Variants in NDUFAF2 observed in about 807,000 individuals in gnomAD.
The protein encoded by NDUFAF2 is NADH dehydrogenase [ubiquinone] 1 alpha subcomplex assembly factor 2.
In NDUFAF2, 13 loss-of-function variants were observed where a neutral mutation model predicts 22.8. That is an observed-to-expected ratio of 0.57 (90% CI 0.37 to 0.91). NDUFAF2 has a LOEUF of 0.91. NDUFAF2 is among the 40% of genes least tolerant of loss of function. NDUFAF2 has a pLI of 0.01. For missense variants in NDUFAF2, 162 were observed against 195.2 expected (o/e 0.83, Z 1.01); for synonymous variants, 53 against 64.2 (o/e 0.83, Z 0.84).
chr5:61,044,353 T>C (rs1470089312), intron 1 of NDUFAF2, among the ~76,000 whole-genome samples: 1 of 152,162 alleles, frequency 6.6e-6, no homozygotes, highest in East Asian at 1.9e-4. Flanking sequence ...AGCTTTTTAG[T>C]TCAATGTAAT....
chr5:61,022,366 C>G (rs1003892493), intron 1 of NDUFAF2, among the ~76,000 whole-genome samples: 3 of 152,132 alleles, frequency 2.0e-5, no homozygotes, highest in African/African-American at 7.2e-5. Flanking sequence ...TCCCAAGAAA[C>G]TGGGAGAAAT....
rs149568132 is a variant in NDUFAF2 at position 60,976,636 on chromosome 5, A to T, written c.127+31254A>T. Among the ~76,000 whole-genome samples the T allele has an allele frequency of 3.4e-4, 52 of 152,322 alleles. 1 individual carries two copies. In the East Asian group the frequency reaches 9.6e-3, roughly 28 times the overall value. On this transcript the variant is annotated intron_variant, in intron 1 of 3. Coordinates refer to ENST00000296597, the MANE Select transcript of NDUFAF2 (RefSeq NM_174889.5). The stretch of plus-strand genomic sequence containing the variant: ...TTCTTTGAGGATATAAAAGCCCTTG[A>T]GATAGTTTCACTTTAAGCTTAAAAG...
chr5:61,113,428 T>C (rs1409120534), intron 3 of NDUFAF2, among the ~76,000 whole-genome samples: 6 of 152,168 alleles, frequency 3.9e-5, no homozygotes, highest in Non-Finnish European at 7.3e-5. Context: ...GGTATTCTAT[T>C]CTAGGATGAT....
At chr5:61,062,305 A>C (rs1752174561) in intron 1 of NDUFAF2, among the ~76,000 whole-genome samples, 1 of 152,210 alleles carries the variant, frequency 6.6e-6, no homozygotes, top group Non-Finnish European at 1.5e-5. Flanking sequence ...TAGGCAATTC[A>C]GTGAAGACAG....
intron 1 of NDUFAF2, among the ~76,000 whole-genome samples, chr5:60,984,376 G>T (rs1751037537): frequency 6.6e-6 from 1 of 151,960 alleles, no homozygotes; most frequent in Admixed American, 6.6e-5. Flanking sequence ...TTTCCTAATT[G>T]AATGCCCTTT....
chr5:61,136,566 T>C (rs1740951372), intron 3 of NDUFAF2, among the ~76,000 whole-genome samples: 1 of 152,192 alleles, frequency 6.6e-6, no homozygotes. Flanking sequence ...TTCCTTCCCC[T>C]TGTGGCTTCT....
intron 2 of NDUFAF2, among the ~76,000 whole-genome samples, chr5:61,077,065 A>G (rs936764429): frequency 7.2e-5 from 11 of 152,234 alleles, no homozygotes; most frequent in African/African-American, 2.4e-4. Context: ...AATTTTGGAC[A>G]TGCTAAGTTT....
At chr5:61,034,287 A>T (rs1277869865) in intron 1 of NDUFAF2, among the ~76,000 whole-genome samples, 1 of 152,192 alleles carries the variant, frequency 6.6e-6, no homozygotes, top group Non-Finnish European at 1.5e-5. Flanking sequence ...GTGTCACTTA[A>T]TGATGGGGAT....
At chr5:61,097,395 T>TTATA (rs1451826428) in intron 2 of NDUFAF2, among the ~76,000 whole-genome samples, 1 of 124,780 alleles carries the variant, frequency 8.0e-6, no homozygotes, top group Non-Finnish European at 1.8e-5. Flanking sequence ...AAAGCTTACT[T>TTATA]TATAATAAAG....
chr5:61,005,701 G>A (rs1751357515), intron 1 of NDUFAF2, among the ~76,000 whole-genome samples: 1 of 152,088 alleles, frequency 6.6e-6, no homozygotes, highest in African/African-American at 2.4e-5. Context: ...ATGATGATGA[G>A]CATTTTTTCA....
At chr5:60,955,455 T>C (rs540233545) in intron 1 of NDUFAF2, among the ~76,000 whole-genome samples, 2 of 152,332 alleles carry the variant, frequency 1.3e-5, no homozygotes, top group Admixed American at 1.3e-4. Flanking sequence ...ACCATACTGT[T>C]TTGATTACTG....
intron 2 of NDUFAF2, among the ~76,000 whole-genome samples, chr5:61,085,473 C>G (rs1193796778): frequency 1.3e-5 from 2 of 152,074 alleles, no homozygotes; most frequent in Non-Finnish European, 2.9e-5. Flanking sequence ...AACACTTTCC[C>G]CCTAAGATTG....
At chr5:61,005,759 A>G (rs1751358253) in intron 1 of NDUFAF2, among the ~76,000 whole-genome samples, 1 of 152,092 alleles carries the variant, frequency 6.6e-6, no homozygotes. Context: ...GTGTCTGTTC[A>G]TATCGTTTGC....
chr5:60,971,803 T>G lies in NDUFAF2; in HGVS notation c.127+26421T>G, dbSNP rs1750834973. On this transcript the variant is annotated intron_variant, in intron 1 of 3. Transcript: ENST00000296597. ...CAAAGGACATGAACTCATCCTTTTT[T>G]ATGGCTGCATAGTATTCCATGGTGT... Among the ~76,000 whole-genome samples the G allele has an allele frequency of 2.0e-5, 3 of 152,158 alleles. No homozygotes were observed. In the South Asian group the frequency reaches 6.2e-4, roughly 31 times the overall value.
At chr5:61,029,675 C>G (rs988622669) in intron 1 of NDUFAF2, among the ~76,000 whole-genome samples, 4 of 152,100 alleles carry the variant, frequency 2.6e-5, no homozygotes, top group Non-Finnish European at 4.4e-5. Context: ...GCGACGTGCA[C>G]CAGTGAACAG....
intron 3 of NDUFAF2, among the ~76,000 whole-genome samples, chr5:61,137,813 G>A (rs1459165879): frequency 1.3e-5 from 2 of 152,240 alleles, no homozygotes; most frequent in African/African-American, 2.4e-5. Flanking sequence ...AAAGGAAGAG[G>A]AAGAAAATAG....
chr5:61,021,901 A>C (rs181197827), intron 1 of NDUFAF2, among the ~76,000 whole-genome samples: 5 of 152,318 alleles, frequency 3.3e-5, no homozygotes. Context: ...TGGTAAGTCC[A>C]CAATCTGCAA....
chr5:60,949,377 T>G (rs1750510281), intron 1 of NDUFAF2, among the ~76,000 whole-genome samples: 1 of 152,224 alleles, frequency 6.6e-6, no homozygotes, highest in African/African-American at 2.4e-5. Flanking sequence ...ATCAGTAGTT[T>G]GCTCCTTTTT....
intron 3 of NDUFAF2, among the ~76,000 whole-genome samples, chr5:61,101,088 CT>C (rs1752699946): frequency 6.6e-6 from 1 of 152,080 alleles, no homozygotes; most frequent in Non-Finnish European, 1.5e-5. Context: ...CTTTTACACT[CT>C]TCAAATCCAA....
Sources: allele counts gnomAD v4.1 joint callset (sites outside exome capture counted in the v4.1 genomes callset), GRCh38; gene constraint gnomAD v4.1.1; transcripts MANE v1.5; gene names NCBI Gene and HGNC (gene_info 2026-07-23, HGNC 2026-07-21).